PCDHGA5: variants seen among roughly 807,000 people sequenced by gnomAD.
The protein encoded by PCDHGA5 is protocadherin gamma-A5.
Under a neutral mutation model 56.7 loss-of-function variants are expected in PCDHGA5, and 36 were observed. The ratio of observed to expected loss-of-function variants is 0.64; its 90% CI spans 0.49 to 0.84. The LOEUF is 0.84. PCDHGA5 is among the 40% of genes least tolerant of loss of function. The pLI, the probability that PCDHGA5 is intolerant of heterozygous loss-of-function variation, is 0.00. For synonymous variants in PCDHGA5, 563 were observed against 520.2 expected, an observed-to-expected ratio of 1.08 and a Z score of -1.12; for missense variants, 1,305 against 1,201.5, an observed-to-expected ratio of 1.09 and a Z score of -1.27.
In PCDHGA5 at chr5:141,486,531, C is replaced by T; in HGVS notation, c.2422-8276C>T. The T allele has an allele frequency of 6.2e-7, 1 of 1,614,062 alleles. No homozygotes were observed. Among genetic ancestry groups the T allele is most frequent in the Non-Finnish European group, 8.5e-7 (1 of 1,180,020 alleles). Reference sequence around the variant, plus strand: ...ATTTCAGATGTGAATGATAATCCACCCTCTTTCTTTCAGAGGTCACATGAG... The same window carrying T: ...ATTTCAGATGTGAATGATAATCCACTCTCTTTCTTTCAGAGGTCACATGAG... On this transcript the variant is annotated intron_variant, in intron 1 of 3. Transcript: ENST00000518069. This position sits in a 1 kb window ranked among gnomAD's most constrained non-coding sequence, Gnocchi z 5.0.
intron 1 of PCDHGA5, among the ~76,000 whole-genome samples, chr5:141,483,322 G>C (rs1325809962): frequency 1.3e-5 from 2 of 152,110 alleles, no homozygotes. Flanking sequence ...TGGGACTGGA[G>C]GCAAAGAGAT....
At chr5:141,492,952 C>T (rs1428667098) in intron 1 of PCDHGA5, among the ~76,000 whole-genome samples, 1 of 152,242 alleles carries the variant, frequency 6.6e-6, no homozygotes, top group Non-Finnish European at 1.5e-5. Context: ...GGTGACCAAA[C>T]TATCTGACAC....
intron 1 of PCDHGA5, among the ~76,000 whole-genome samples, chr5:141,451,429 G>A (rs577699188): frequency 1.3e-3 from 195 of 152,306 alleles, no homozygotes; most frequent in African/African-American, 4.5e-3. Flanking sequence ...TAGACTAAGG[G>A]TTCCAGTTCC....
chr5:141,500,835 A>G (rs965204931), intron 2 of PCDHGA5, among the ~76,000 whole-genome samples: 13 of 152,118 alleles, frequency 8.5e-5, no homozygotes, highest in African/African-American at 3.1e-4. Context: ...TCTAATGCTA[A>G]TGGGCTTTTG....
At position 141,476,418 on chromosome 5, in the gene PCDHGA5, T is replaced by C. The variant is rs201255025; in HGVS notation, c.2422-18389T>C. On this transcript the variant is annotated intron_variant, in intron 1 of 3. Transcript: ENST00000518069. This position sits in a 1 kb window ranked among gnomAD's most constrained non-coding sequence, Gnocchi z 7.6. The stretch of plus-strand genomic sequence containing the variant: ...GATCGAGAGGAGCTGTGTGGGACAC[T>C]GCCCTCTTGCACTGTAACTCTGGAG... 6.2e-7 allele frequency: 1 copy of C among 1,614,122 alleles called. No individual in the cohort carries two copies. Among genetic ancestry groups the C allele is most frequent in the Non-Finnish European group, 8.5e-7 (1 of 1,180,002 alleles).
intron 1 of PCDHGA5, chr5:141,409,901 C>T (rs1157563397): frequency 6.2e-7 from 1 of 1,613,264 alleles, no homozygotes; most frequent in East Asian, 2.2e-5. Flanking sequence ...GTACCCAGCT[C>T]TGGGTCCTGA....
intron 1 of PCDHGA5, chr5:141,385,782 T>G (rs1169105462): frequency 6.2e-6 from 1 of 160,564 alleles, no homozygotes; most frequent in Non-Finnish European, 1.3e-5. Context: ...TCCATGTACC[T>G]CAGCTTGGTG....
rs182104750 is a variant in PCDHGA5 at position 141,376,315 on chromosome 5, A to C, written c.2421+9564A>C. 8.5e-4 allele frequency: 1,369 copies of C among 1,614,156 alleles called. 7 individuals are homozygous for C. The Middle Eastern group carries it at 0.016, about 18-fold the overall frequency. On this transcript the variant is annotated intron_variant, in intron 1 of 3. Coordinates refer to ENST00000518069, the MANE Select transcript of PCDHGA5 (RefSeq NM_018918.3). ...CCGGCTCGCACTTTGTGGGCGTGGA[A>C]GGGGTTCGGGCTTTCCTGCAGACCT...
In PCDHGA5 at chr5:141,476,291, G is replaced by T. The variant is rs1385060012; in HGVS notation, c.2422-18516G>T. The stretch of plus-strand genomic sequence containing the variant: ...GGTCGCGAACCTTGGTTTGGATCTC[G>T]GTAGCCTCTCAGCCCGCAGGTTCCG... On this transcript the variant is annotated intron_variant, in intron 1 of 3. Coordinates refer to ENST00000518069, the MANE Select transcript of PCDHGA5 (RefSeq NM_018918.3). This position sits in a 1 kb window ranked among gnomAD's most constrained non-coding sequence, Gnocchi z 7.6. 4 of 1,614,128 alleles carry T rather than the reference G, an allele frequency of 2.5e-6. No homozygotes were observed. Among genetic ancestry groups the T allele is most frequent in the South Asian group, 1.1e-5 (1 of 91,072 alleles).
chr5:141,450,815 A>AT (rs1554136868), intron 1 of PCDHGA5, among the ~76,000 whole-genome samples: 4,329 of 126,688 alleles, frequency 0.034, 70 homozygotes, highest in Middle Eastern at 0.091. Flanking sequence ...TATTTATTTA[A>AT]TATTATTATT....
chr5:141,388,527 T>C, intron 1 of PCDHGA5: 1 of 1,613,866 alleles, frequency 6.2e-7, no homozygotes, highest in Non-Finnish European at 8.5e-7. Flanking sequence ...TTTGACTGCC[T>C]TGGACTTTGG....
chr5:141,379,052 T>A (rs1247302234), intron 1 of PCDHGA5: 1 of 152,238 alleles, frequency 6.6e-6, no homozygotes. Flanking sequence ...TATTATAGAA[T>A]GGATTGGCCA....
In PCDHGA5 at chr5:141,423,740, GA is replaced by G. The variant is rs778655137; in HGVS notation, c.2421+56993del. 7 of 698,952 alleles carry G rather than the reference GA, an allele frequency of 1.0e-5. No individual in the cohort carries two copies. The African/African-American group carries it at 1.9e-4, about 19-fold the overall frequency. The allele number at this position is 698,952 out of a possible 1,614,324, so 43.3% of individuals were successfully genotyped here. ...AGGAGATGTTTTTTGAGCCTGTTAT[GA>G]AAACTGTTTGGGGGGGGGGTGGGGC... On this transcript the variant is annotated intron_variant, in intron 1 of 3. Coordinates refer to ENST00000518069, the MANE Select transcript of PCDHGA5 (RefSeq NM_018918.3).
rs73280911 is a variant in PCDHGA5, at chr5:141,446,356, A to C, written c.2422-48451A>C. Among the ~76,000 whole-genome samples the C allele has an allele frequency of 2.0e-5, 3 of 152,188 alleles. No individual in the cohort carries two copies. In the South Asian group the frequency reaches 6.2e-4, roughly 31 times the overall value. On this transcript the variant is annotated intron_variant, in intron 1 of 3. Transcript: ENST00000518069. ...ACTGGATGGACAAAGCTACCATTTGATGAGAATGGAAGACTAAAGAATGAT... is the reference window on the plus strand; with the variant it reads ...ACTGGATGGACAAAGCTACCATTTGCTGAGAATGGAAGACTAAAGAATGAT...
rs142329128 is a variant in PCDHGA5, at chr5:141,439,495, C to T, written c.2422-55312C>T. Among the ~76,000 whole-genome samples the T allele has an allele frequency of 9.7e-4, 147 of 152,324 alleles. 1 individual carries two copies. The highest frequency in any genetic ancestry group is 3.4e-3 in the African/African-American group (140 of 41,568). ...TCAGCTTGCAAATTCCAGTGAGAAACGTCTTTCTCTCTGCTCTCAACTAAC... is the reference window on the plus strand; with the variant it reads ...TCAGCTTGCAAATTCCAGTGAGAAATGTCTTTCTCTCTGCTCTCAACTAAC... On this transcript the variant is annotated intron_variant, in intron 1 of 3. Coordinates refer to ENST00000518069, the MANE Select transcript of PCDHGA5 (RefSeq NM_018918.3).
rs755863653 is a variant in PCDHGA5 at position 141,422,228 on chromosome 5, TG to T, written c.2421+55478del. 2.3e-5 allele frequency: 36 copies of T among 1,565,448 alleles called. No individual in the cohort carries two copies. The Middle Eastern group carries it at 8.6e-4, about 37-fold the overall frequency. ...GGAGGTCTCTTTACCACCACGACGA[TG>T]TTGATCACTGTTGTGGATGTGAATG... On this transcript the variant is annotated intron_variant, in intron 1 of 3. Transcript: ENST00000518069.
intron 1 of PCDHGA5, chr5:141,411,852 C>G (rs992038456): frequency 1.3e-5 from 2 of 151,222 alleles, no homozygotes; most frequent in East Asian, 1.9e-4. Context: ...AGAGTGAGAC[C>G]CTGTCTCAAA....
At chr5:141,374,571 G>A in intron 1 of PCDHGA5, 1 of 1,613,670 alleles carries the variant, frequency 6.2e-7, no homozygotes, top group Non-Finnish European at 8.5e-7. Flanking sequence ...CCTGATGTGG[G>A]AATGAACTCC....
intron 1 of PCDHGA5, chr5:141,382,843 C>T (rs1588925022): frequency 5.4e-6 from 8 of 1,471,852 alleles, no homozygotes; most frequent in East Asian, 2.3e-5. Flanking sequence ...CCCGGATACA[C>T]CCGCATTCTG....
Sources: allele counts gnomAD v4.1 joint callset (sites outside exome capture counted in the v4.1 genomes callset), GRCh38; gene constraint gnomAD v4.1.1; non-coding constraint Gnocchi (gnomAD v3.1); transcripts MANE v1.5; gene names NCBI Gene and HGNC (gene_info 2026-07-23, HGNC 2026-07-21).